The following YPEL2 variants were observed in gnomAD, a reference collection of about 807,000 sequenced individuals.
YPEL2 encodes protein yippee-like 2.
Under a neutral mutation model 19.1 loss-of-function variants are expected in YPEL2, and 2 were observed. The ratio of observed to expected loss-of-function variants is 0.10; its 90% CI spans 0.04 to 0.33. YPEL2 has a LOEUF of 0.33. YPEL2 is among the 10% of genes least tolerant of loss of function. YPEL2 has a pLI of 1.00. For missense variants in YPEL2, 66 were observed against 140.7 expected (o/e 0.47, Z 2.68); for synonymous variants, 52 against 50.0 (o/e 1.04, Z -0.17).
chr17:59,368,997 C>G (rs1391497176), intron 2 of YPEL2, among the ~76,000 whole-genome samples: 1 of 151,588 alleles, frequency 6.6e-6, no homozygotes, highest in Non-Finnish European at 1.5e-5. Context: ...GCAGGTAGAT[C>G]ACTGGCAAAC....
chr17:59,388,282 G>A (rs115228294), intron 2 of YPEL2, 45 bp from the exon 3 acceptor site: 2 of 1,608,282 alleles, frequency 1.2e-6, no homozygotes, highest in South Asian at 2.2e-5. Context: ...CAAACAGATA[G>A]GTGAAATGGA....
intron 2 of YPEL2, among the ~76,000 whole-genome samples, chr17:59,377,164 T>C (rs985638902): frequency 1.3e-5 from 2 of 152,152 alleles, no homozygotes; most frequent in African/African-American, 2.4e-5. Context: ...AACATTTTCA[T>C]TGGCCAGTGC....
rs545631780 is a variant in YPEL2, at chr17:59,395,123, T to C, written c.271-1978T>C. Among the ~76,000 whole-genome samples the C allele has an allele frequency of 2.6e-5, 4 of 152,296 alleles. No homozygotes were observed. The South Asian group carries it at 8.3e-4, about 32-fold the overall frequency. On this transcript the variant is annotated intron_variant, in intron 4 of 4. Transcript: ENST00000312655. ...GGACAGGAAACTCATTTTCTTAGTT[T>C]TGCTTTTTCCTCCTTCCCCCCCAAA...
chr17:59,383,894 C>G (rs1296146679), intron 2 of YPEL2, among the ~76,000 whole-genome samples: 2 of 151,640 alleles, frequency 1.3e-5, no homozygotes, highest in Non-Finnish European at 2.9e-5. Context: ...ATGGATATAC[C>G]AATCTATTTA....
At chr17:59,342,979 G>A (rs1366156513) in intron 1 of YPEL2, among the ~76,000 whole-genome samples, 1 of 152,182 alleles carries the variant, frequency 6.6e-6, no homozygotes, top group African/African-American at 2.4e-5. Flanking sequence ...TACACAGACT[G>A]TGTGAAGGGC....
At chr17:59,362,767 A>G (rs1334902145) in intron 2 of YPEL2, 1 of 152,162 alleles carries the variant, frequency 6.6e-6, no homozygotes, top group African/African-American at 2.4e-5. Context: ...CTGGGAAGCA[A>G]GGAGTGGGTG....
intron 1 of YPEL2, among the ~76,000 whole-genome samples, chr17:59,333,131 C>T (rs565559037): frequency 3.9e-4 from 60 of 152,354 alleles, no homozygotes; most frequent in Admixed American, 2.4e-3. Flanking sequence ...GGCCACAGGG[C>T]CTATGAATGG....
intron 1 of YPEL2, among the ~76,000 whole-genome samples, chr17:59,349,640 C>A (rs900954477): frequency 6.6e-6 from 1 of 151,908 alleles, no homozygotes; most frequent in Non-Finnish European, 1.5e-5. Flanking sequence ...CCTTCCCCGG[C>A]CCCCACAGGC....
rs568591240 is a variant in YPEL2, at chr17:59,332,774, C to G, written c.-196+950C>G. 4.6e-5 allele frequency among the ~76,000 whole-genome samples: 7 copies of G among 152,334 alleles called. No homozygotes were observed. The South Asian group carries it at 1.0e-3, about 23-fold the overall frequency. The stretch of plus-strand genomic sequence containing the variant: ...CGGAGCTGCACCCTCGCCCGCCCCC[C>G]AGTCCCGCCGCTGTGAAAGGCCCCA... On this transcript the variant is annotated intron_variant, in intron 1 of 4. Coordinates refer to ENST00000312655, the MANE Select transcript of YPEL2 (RefSeq NM_001005404.4).
chr17:59,376,759 T>A (rs1373147678), intron 2 of YPEL2, among the ~76,000 whole-genome samples: 1 of 151,774 alleles, frequency 6.6e-6, no homozygotes, highest in Admixed American at 6.6e-5. Flanking sequence ...TCAGTCTCAT[T>A]TACAAACTCT....
chr17:59,332,375 G>C (rs2047675473), intron 1 of YPEL2, among the ~76,000 whole-genome samples: 1 of 152,212 alleles, frequency 6.6e-6, no homozygotes, highest in South Asian at 2.1e-4. Context: ...GCCCCGACCC[G>C]GGTCGAGGTA....
intron 2 of YPEL2, among the ~76,000 whole-genome samples, chr17:59,370,687 CTTCGGCTTGT>C (rs1345624170): frequency 6.6e-6 from 1 of 152,134 alleles, no homozygotes; most frequent in Non-Finnish European, 1.5e-5. Context: ...CCCCAGATTG[CTTCGGCTTGT>C]TTCTTTGCTG....
intron 2 of YPEL2, among the ~76,000 whole-genome samples, chr17:59,372,948 A>C (rs1030393419): frequency 6.6e-6 from 1 of 152,194 alleles, no homozygotes; most frequent in South Asian, 2.1e-4. Flanking sequence ...GTCTCGGCTC[A>C]CTGCAACCTC....
At position 59,397,287 on chromosome 17, in the gene YPEL2, A is replaced by C. The variant is rs1461193483; in HGVS notation, c.*97A>C. The C allele has an allele frequency of 3.1e-6, 3 of 955,608 alleles. No individual in the cohort carries two copies. Among genetic ancestry groups the C allele is most frequent in the Non-Finnish European group, 4.5e-6 (3 of 670,410 alleles). 59.2% of individuals were successfully genotyped at this position (955,608 alleles called of 1,614,324 possible). On this transcript the variant is annotated 3_prime_UTR_variant, in exon 5 of 5. Coordinates refer to ENST00000312655, the MANE Select transcript of YPEL2 (RefSeq NM_001005404.4). Reference sequence around the variant, plus strand: ...GAGTGACTGACACTTGGTTCCATCCATTTAGGGGCCTTGCCATCCGGGGCA... The same window carrying C: ...GAGTGACTGACACTTGGTTCCATCCCTTTAGGGGCCTTGCCATCCGGGGCA...
chr17:59,348,912 C>T (rs1017333983), intron 1 of YPEL2, among the ~76,000 whole-genome samples: 13 of 152,094 alleles, frequency 8.5e-5, no homozygotes, highest in East Asian at 1.9e-4. Context: ...TTTGGCTGGG[C>T]GCAGTGGCTC....
At chr17:59,395,702 C>T (rs958787900) in intron 4 of YPEL2, among the ~76,000 whole-genome samples, 2 of 152,080 alleles carry the variant, frequency 1.3e-5, no homozygotes, top group South Asian at 2.1e-4. Context: ...CAAGAAAAAC[C>T]GATTGAGAAG....
rs115801993 is a variant in YPEL2, at chr17:59,379,683, G to A, written c.118-8644G>A. 1.8e-3 allele frequency among the ~76,000 whole-genome samples: 269 copies of A among 152,238 alleles called. 1 individual carries two copies. Among genetic ancestry groups the A allele is most frequent in the Middle Eastern group, 6.8e-3 (2 of 294 alleles). On this transcript the variant is annotated intron_variant, in intron 2 of 4. Transcript: ENST00000312655. ...TTCTGGAAATAGTGGTGATAGTTGC[G>A]TGACCTTGTGAATATAAGAACCACT...
chr17:59,360,748 A>G (rs1040993226), intron 2 of YPEL2, among the ~76,000 whole-genome samples: 2 of 152,174 alleles, frequency 1.3e-5, no homozygotes, highest in African/African-American at 4.8e-5. Flanking sequence ...CGTGTAAAGT[A>G]TATAGTATCT....
chr17:59,350,032 A>T (rs1259895648), intron 1 of YPEL2, among the ~76,000 whole-genome samples: 1 of 151,424 alleles, frequency 6.6e-6, no homozygotes, highest in East Asian at 1.9e-4. Flanking sequence ...TTTGTCCTGT[A>T]CCAGTTGAAC....
Sources: gnomAD v4.1 joint callset for allele counts (sites outside exome capture counted in the v4.1 genomes callset) on GRCh38, gnomAD v4.1.1 for gene constraint, MANE v1.5 for transcripts, NCBI Gene and HGNC (gene_info 2026-07-23, HGNC 2026-07-21) for gene names.